Variants in MOB1B observed in about 807,000 individuals in gnomAD.
MOB1B encodes MOB kinase activator 1B, also known as MOB1 Mps One Binder homolog B.
A neutral mutation model predicts 24.4 loss-of-function variants in MOB1B; 19 were observed. The ratio of observed to expected loss-of-function variants is 0.78; its 90% CI spans 0.54 to 1.14. The LOEUF (loss-of-function observed/expected upper bound fraction) is 1.14, where lower values mean the gene tolerates loss of function less well. Among genes scored for constraint, MOB1B ranks in the 50% most tolerant of loss-of-function variants. The probability of loss-of-function intolerance (pLI) is 0.00; values close to 1 mark genes in which losing one functional copy is unlikely to be tolerated. For synonymous variants in MOB1B, 76 were observed against 82.1 expected (o/e 0.93, Z 0.40); for missense variants, 243 against 259.6 (o/e 0.94, Z 0.44).
intron 2 of MOB1B, among the ~76,000 whole-genome samples, chr4:70,962,074 A>G (rs765358411): frequency 3.3e-5 from 5 of 152,028 alleles, no homozygotes; most frequent in Non-Finnish European, 7.4e-5. Flanking sequence ...AATAAAATAA[A>G]TTAGCTGGGA....
chr4:70,930,225 T>C (rs1736836903), intron 1 of MOB1B, among the ~76,000 whole-genome samples: 1 of 152,152 alleles, frequency 6.6e-6, no homozygotes, highest in Admixed American at 6.5e-5. Context: ...TTTTTTGATA[T>C]TTTACTACAG....
chr4:70,964,042 T>G (rs962256874), intron 2 of MOB1B, among the ~76,000 whole-genome samples: 17 of 152,222 alleles, frequency 1.1e-4, no homozygotes, highest in African/African-American at 4.1e-4. Flanking sequence ...AAGGATATTT[T>G]AAAATGATAA....
rs1464145503 is a variant in MOB1B, at chr4:70,902,568, G to T, written c.14+18G>T. 9 of 1,549,836 alleles carry T rather than the reference G, an allele frequency of 5.8e-6. No homozygotes were observed. Among genetic ancestry groups the T allele is most frequent in the Non-Finnish European group, 7.8e-6 (9 of 1,149,882 alleles). On this transcript the variant is annotated intron_variant, in intron 1 of 5. Coordinates refer to ENST00000309395, the MANE Select transcript of MOB1B (RefSeq NM_173468.4). ...TTCTTGTTGTGAGTAGCCAGGCCCC[G>T]CACGCGCCGGCTTTGTTCGGGTGGA...
At chr4:70,902,247 G>C (rs992981122), upstream of MOB1B, 6 of 557,218 alleles carry the variant, frequency 1.1e-5, no homozygotes, top group Non-Finnish European at 1.9e-5. Flanking sequence ...GAGAGCTCGT[G>C]AGGTGGGGGC....
chr4:70,929,901 G>T (rs576274050), intron 1 of MOB1B, among the ~76,000 whole-genome samples: 4 of 152,124 alleles, frequency 2.6e-5, no homozygotes, highest in Admixed American at 6.5e-5. Flanking sequence ...CCTTAATACA[G>T]CCACTGCGCC....
intron 1 of MOB1B, among the ~76,000 whole-genome samples, chr4:70,910,096 A>T (rs1735918388): frequency 6.6e-6 from 1 of 151,546 alleles, no homozygotes; most frequent in African/African-American, 2.4e-5. Context: ...ACTGCAGTGT[A>T]GTGGCGCTAT....
At chr4:70,931,341 T>C (rs752579382) in intron 1 of MOB1B, among the ~76,000 whole-genome samples, 3 of 152,166 alleles carry the variant, frequency 2.0e-5, no homozygotes, top group Non-Finnish European at 4.4e-5. Context: ...CTCAAAGAGG[T>C]AGGACTTAGA....
chr4:70,956,356 A>G (rs535833076), intron 1 of MOB1B, among the ~76,000 whole-genome samples: 1 of 152,198 alleles, frequency 6.6e-6, no homozygotes, highest in African/African-American at 2.4e-5. Flanking sequence ...TTGAACTCCT[A>G]GGTTCAGGCG....
At chr4:70,938,871 G>A (rs1039810986) in intron 1 of MOB1B, among the ~76,000 whole-genome samples, 7 of 151,158 alleles carry the variant, frequency 4.6e-5, no homozygotes, top group Non-Finnish European at 1.0e-4. Context: ...TCTACCTCCC[G>A]GGTGCAAGCG....
intron 1 of MOB1B, among the ~76,000 whole-genome samples, chr4:70,949,854 G>A (rs1737728142): frequency 1.3e-5 from 2 of 152,030 alleles, no homozygotes; most frequent in African/African-American, 4.8e-5. Context: ...AGGCTGCAGT[G>A]AGCTGTGTTT....
intron 1 of MOB1B, chr4:70,950,716 G>T: frequency 6.5e-7 from 1 of 1,527,800 alleles, no homozygotes; most frequent in Non-Finnish European, 8.8e-7. Flanking sequence ...TCAGCCTGAA[G>T]TTGACTGGAA....
rs572932916 is a variant in MOB1B at position 70,957,100 on chromosome 4, G to GTT, written c.15-1759_15-1758dup. On this transcript the variant is annotated intron_variant, in intron 1 of 5. Coordinates refer to ENST00000309395, the MANE Select transcript of MOB1B (RefSeq NM_173468.4). Reference sequence around the variant, plus strand: ...TGGAAAGTGTAACCATTGTTTATGTGTTTTTTTTTTTTTTTTGGAATTCCA... The same window carrying GTT: ...TGGAAAGTGTAACCATTGTTTATGTGTTTTTTTTTTTTTTTTTTGGAATTCCA... Among the ~76,000 whole-genome samples, 356 of 123,104 alleles carry GTT rather than the reference G, an allele frequency of 2.9e-3. 2 individuals carry two copies. The highest frequency in any genetic ancestry group is 5.8e-3 in the Admixed American group (70 of 12,082). 80.8% of individuals were successfully genotyped at this position (123,104 alleles called of 152,430 possible).
chr4:70,922,747 T>A (rs1736488910), intron 1 of MOB1B, among the ~76,000 whole-genome samples: 1 of 152,212 alleles, frequency 6.6e-6, no homozygotes, highest in Admixed American at 6.5e-5. Context: ...CTAAGTCACG[T>A]GAACTTGAAA....
At chr4:70,923,487 G>A (rs1256739821) in intron 1 of MOB1B, among the ~76,000 whole-genome samples, 1 of 152,148 alleles carries the variant, frequency 6.6e-6, no homozygotes, top group Non-Finnish European at 1.5e-5. Flanking sequence ...ATAGGCATGA[G>A]CTACCTTGCC....
chr4:70,929,908 C>T (rs745337902), intron 1 of MOB1B, among the ~76,000 whole-genome samples: 4 of 152,066 alleles, frequency 2.6e-5, no homozygotes, highest in Non-Finnish European at 5.9e-5. Context: ...ACAGCCACTG[C>T]GCCCAGCCTT....
chr4:70,940,919 C>T (rs540105499), intron 1 of MOB1B, among the ~76,000 whole-genome samples: 6 of 151,878 alleles, frequency 4.0e-5, no homozygotes, highest in South Asian at 2.1e-4. Flanking sequence ...GTGATCCGCC[C>T]GCCTCGGCCT....
At chr4:70,964,258 A>G (rs1375040747) in intron 2 of MOB1B, among the ~76,000 whole-genome samples, 9 of 152,244 alleles carry the variant, frequency 5.9e-5, no homozygotes, top group African/African-American at 1.4e-4. Flanking sequence ...TTTGAGCAAC[A>G]TGATTAACAG....
In MOB1B at chr4:70,960,724, T is replaced by C. The variant is rs191203734; in HGVS notation, c.181+1684T>C. ...TTTGCTTTATTGATGAGGCCTGCCG[T>C]ATTTCTAAGATGTTTCTGTGTCATC... is the stretch of plus-strand genomic sequence containing the variant. On this transcript the variant is annotated intron_variant, in intron 2 of 5. Transcript: ENST00000309395. 3.3e-4 allele frequency among the ~76,000 whole-genome samples: 50 copies of C among 152,356 alleles called. 1 individual carries two copies. The East Asian group carries it at 5.8e-3, about 18-fold the overall frequency.
intron 1 of MOB1B, among the ~76,000 whole-genome samples, chr4:70,918,836 A>G (rs1444453575): frequency 2.0e-5 from 3 of 152,306 alleles, no homozygotes; most frequent in South Asian, 2.1e-4. Context: ...ACTATAAATC[A>G]TGCTGCTATA....
Sources: gnomAD v4.1 joint callset for allele counts (sites outside exome capture counted in the v4.1 genomes callset) on GRCh38, gnomAD v4.1.1 for gene constraint, MANE v1.5 for transcripts, NCBI Gene and HGNC (gene_info 2026-07-23, HGNC 2026-07-21) for gene names.